Variants in PPFIA2 observed in about 807,000 individuals in gnomAD.
PPFIA2 encodes the protein liprin-alpha-2.
A neutral mutation model predicts 175.5 loss-of-function variants in PPFIA2; 46 were observed. That is an observed-to-expected ratio of 0.26 (90% CI 0.21 to 0.34). The LOEUF (loss-of-function observed/expected upper bound fraction) is 0.34, where lower values mean the gene tolerates loss of function less well. Ranked by LOEUF, PPFIA2 falls within the 10% of genes least tolerant of loss-of-function variation. The pLI is 1.00. For synonymous variants in PPFIA2, 568 were observed against 511.4 expected, an observed-to-expected ratio of 1.11 and a Z score of -1.49; for missense variants, 1,179 against 1,506.1, an observed-to-expected ratio of 0.78 and a Z score of 3.60.
chr12:81,511,597 C>T (rs541297128), intron 4 of PPFIA2, among the ~76,000 whole-genome samples: 5 of 152,116 alleles, frequency 3.3e-5, no homozygotes, highest in African/African-American at 1.2e-4. Context: ...TTCCTCTATA[C>T]TGTAGGTTCT....
intron 4 of PPFIA2, among the ~76,000 whole-genome samples, chr12:81,543,198 G>A (rs1300046590): frequency 6.6e-6 from 1 of 152,064 alleles, no homozygotes; most frequent in Admixed American, 6.6e-5. Context: ...GATCCACGGA[G>A]AAATAGCTGA....
intron 4 of PPFIA2, among the ~76,000 whole-genome samples, chr12:81,592,179 T>G (rs528728095): frequency 1.3e-5 from 2 of 152,260 alleles, no homozygotes; most frequent in African/African-American, 4.8e-5. Context: ...TTTGGCCAAT[T>G]TCTCCTGTTT....
rs554407810 is a variant in PPFIA2, at chr12:81,631,513, G to A, written c.303+45278C>T. ...GGAAGGGAAAACAATTTAAAAGGTT[G>A]TATAAAATTATAAATTCTTATATAG... On this transcript the variant is annotated intron_variant, in intron 4 of 32. Transcript: ENST00000549396. Among the ~76,000 whole-genome samples, 8 of 152,248 alleles carry A rather than the reference G, an allele frequency of 5.3e-5. No homozygotes were observed. The East Asian group carries it at 1.5e-3, about 29-fold the overall frequency.
At chr12:81,548,958 T>C (rs1043513983) in intron 4 of PPFIA2, among the ~76,000 whole-genome samples, 2 of 152,152 alleles carry the variant, frequency 1.3e-5, no homozygotes, top group Admixed American at 6.5e-5. Context: ...AAGACAATAT[T>C]TGTGTTATTT....
At chr12:81,318,984 C>T (rs955356603) in intron 22 of PPFIA2, among the ~76,000 whole-genome samples, 5 of 151,646 alleles carry the variant, frequency 3.3e-5, no homozygotes, top group Non-Finnish European at 7.4e-5. Flanking sequence ...CCAGGATTTA[C>T]ATCAATTAAG....
At chr12:81,655,819 G>A (rs2067701970) in intron 4 of PPFIA2, among the ~76,000 whole-genome samples, 1 of 151,886 alleles carries the variant, frequency 6.6e-6, no homozygotes, top group African/African-American at 2.4e-5. Flanking sequence ...TATCTTTACA[G>A]ACTTTATATT....
intron 3 of PPFIA2, among the ~76,000 whole-genome samples, chr12:81,737,493 T>C (rs1302184854): frequency 6.6e-6 from 1 of 151,914 alleles, no homozygotes; most frequent in Non-Finnish European, 1.5e-5. Context: ...TAAAATGACT[T>C]CCACTGATGA....
intron 8 of PPFIA2, among the ~76,000 whole-genome samples, chr12:81,393,636 G>C (rs550203516): frequency 6.6e-6 from 1 of 152,028 alleles, no homozygotes; most frequent in African/African-American, 2.4e-5. Flanking sequence ...GAAGTTCAAT[G>C]TTTTTCTTAA....
At chr12:81,530,673 AG>A (rs1410834782) in intron 4 of PPFIA2, among the ~76,000 whole-genome samples, 2 of 151,738 alleles carry the variant, frequency 1.3e-5, no homozygotes, top group Non-Finnish European at 2.9e-5. Context: ...TCAGCTGAAG[AG>A]GGTACAGTCT....
intron 4 of PPFIA2, among the ~76,000 whole-genome samples, chr12:81,501,273 AC>A (rs1290668823): frequency 6.6e-6 from 1 of 151,986 alleles, no homozygotes; most frequent in African/African-American, 2.4e-5. Context: ...TATTCCCTTC[AC>A]CTTTTCCAAG....
rs564105794 is a variant in PPFIA2 at position 81,303,813 on chromosome 12, T to A, written c.2643-4431A>T. ...ATTTCTAGATAAAAGACCAATAGGT[T>A]CTAGAAAATGTATATAAATTAGAAG... On this transcript the variant is annotated intron_variant, in intron 22 of 32. Transcript: ENST00000549396. Among the ~76,000 whole-genome samples, 290 of 152,264 alleles carry A rather than the reference T, an allele frequency of 1.9e-3. 1 individual carries two copies. The highest frequency in any genetic ancestry group is 6.5e-3 in the African/African-American group (270 of 41,556).
intron 22 of PPFIA2, among the ~76,000 whole-genome samples, chr12:81,301,755 G>C (rs2047905641): frequency 6.6e-6 from 1 of 152,096 alleles, no homozygotes; most frequent in Non-Finnish European, 1.5e-5. Flanking sequence ...AGCTCACCTG[G>C]AATGCTCTTC....
chr12:81,463,797 C>T (rs562219958), intron 4 of PPFIA2, among the ~76,000 whole-genome samples: 3 of 151,884 alleles, frequency 2.0e-5, no homozygotes, highest in Non-Finnish European at 2.9e-5. Context: ...CATTTCTATC[C>T]CTCTCAATAG....
intron 4 of PPFIA2, among the ~76,000 whole-genome samples, chr12:81,640,025 G>T (rs2064744761): frequency 6.6e-6 from 1 of 152,140 alleles, no homozygotes; most frequent in Non-Finnish European, 1.5e-5. Context: ...TTATGAGGAA[G>T]GAGTGTTAGT....
chr12:81,719,674 T>C (rs1185746671), intron 3 of PPFIA2, among the ~76,000 whole-genome samples: 4 of 151,542 alleles, frequency 2.6e-5, no homozygotes, highest in African/African-American at 9.7e-5. Flanking sequence ...AAAACAGCAT[T>C]GAAGCATACA....
At chr12:81,291,259 A>C (rs2044892362) in intron 24 of PPFIA2, among the ~76,000 whole-genome samples, 1 of 151,920 alleles carries the variant, frequency 6.6e-6, no homozygotes, top group Admixed American at 6.6e-5. Context: ...TAAACATATA[A>C]AACTTAAATG....
chr12:81,757,539 T>G (rs2084877959), intron 2 of PPFIA2, among the ~76,000 whole-genome samples: 1 of 152,204 alleles, frequency 6.6e-6, no homozygotes, highest in African/African-American at 2.4e-5. Context: ...ATAATAAATC[T>G]GATTGGCTTA....
intron 8 of PPFIA2, among the ~76,000 whole-genome samples, chr12:81,397,865 C>T (rs968099965): frequency 6.6e-6 from 1 of 151,852 alleles, no homozygotes; most frequent in African/African-American, 2.4e-5. Context: ...ATTAGATTCA[C>T]AAAGTAGTGT....
chr12:81,580,184 G>A (rs961892035), intron 4 of PPFIA2, among the ~76,000 whole-genome samples: 6 of 151,758 alleles, frequency 4.0e-5, no homozygotes, highest in Admixed American at 2.0e-4. Context: ...TTTTGCATTC[G>A]TGCATGTCAA....
Sources: allele counts gnomAD v4.1 joint callset (sites outside exome capture counted in the v4.1 genomes callset), GRCh38; gene constraint gnomAD v4.1.1; transcripts MANE v1.5; gene names NCBI Gene and HGNC (gene_info 2026-07-23, HGNC 2026-07-21).